The following VEGFC variants were observed in gnomAD, a reference collection of about 807,000 sequenced individuals.
VEGFC encodes the protein FLT4 ligand DHM.
In VEGFC, 12 loss-of-function variants were observed where a neutral mutation model predicts 46.1. That is an observed-to-expected ratio of 0.26 (90% CI 0.17 to 0.42). The LOEUF (loss-of-function observed/expected upper bound fraction) is 0.42, where lower values mean the gene tolerates loss of function less well. VEGFC is among the 10% of genes least tolerant of loss of function. VEGFC has a pLI of 1.00. For synonymous variants in VEGFC, 232 were observed against 195.5 expected (o/e 1.19, Z -1.56); for missense variants, 488 against 529.4 (o/e 0.92, Z 0.77).
At chr4:176,713,994 T>G (rs1734658706) in intron 3 of VEGFC, among the ~76,000 whole-genome samples, 1 of 152,074 alleles carries the variant, frequency 6.6e-6, no homozygotes, top group Admixed American at 6.5e-5. Flanking sequence ...GAAGCAGCAG[T>G]GGAGACGGGG....
intron 1 of VEGFC, among the ~76,000 whole-genome samples, chr4:176,768,248 T>C (rs1012542982): frequency 4.0e-5 from 6 of 151,844 alleles, no homozygotes; most frequent in African/African-American, 1.4e-4. Flanking sequence ...AAGATACAGA[T>C]ATGAAGATAT....
rs1006844372 is a variant in VEGFC, at chr4:176,749,437, A to T, written c.148-19691T>A. The stretch of plus-strand genomic sequence containing the variant: ...TATTTTTTATTGTTTTAAATGTCAA[A>T]TTTTGTGTATTTTTTAGCACACTAT... On this transcript the variant is annotated intron_variant, in intron 1 of 6. Transcript: ENST00000618562. Among the ~76,000 whole-genome samples, 4 of 151,812 alleles carry T rather than the reference A, an allele frequency of 2.6e-5. No individual in the cohort carries two copies. The South Asian group carries it at 6.2e-4, about 24-fold the overall frequency.
intron 3 of VEGFC, among the ~76,000 whole-genome samples, chr4:176,713,959 G>A (rs2111001558): frequency 6.6e-6 from 1 of 152,308 alleles, no homozygotes; most frequent in East Asian, 1.9e-4. Context: ...TCCAAGGGCT[G>A]TGGCAGGGCA....
intron 4 of VEGFC, among the ~76,000 whole-genome samples, chr4:176,691,483 G>C (rs903915110): frequency 2.0e-5 from 3 of 151,880 alleles, no homozygotes; most frequent in African/African-American, 7.3e-5. Context: ...CACACACACA[G>C]GCACAACCAC....
At chr4:176,739,482 T>G (rs1004272634) in intron 1 of VEGFC, among the ~76,000 whole-genome samples, 6 of 151,856 alleles carry the variant, frequency 4.0e-5, no homozygotes, top group African/African-American at 1.5e-4. Flanking sequence ...CTGAGCAAAC[T>G]AATGCAGGAG....
At chr4:176,790,680 G>A (rs74357234) in intron 1 of VEGFC, among the ~76,000 whole-genome samples, 4,578 of 152,164 alleles carry the variant, frequency 0.03, 86 homozygotes, top group Middle Eastern at 0.092. Context: ...GTAAGTGACC[G>A]TAACCAATAC....
At chr4:176,689,337 GT>G (rs1734106093) in intron 4 of VEGFC, 1 of 152,134 alleles carries the variant, frequency 6.6e-6, no homozygotes, top group Non-Finnish European at 1.5e-5. Context: ...TAATAGCCTG[GT>G]AACTCTTACA....
At chr4:176,760,850 A>G (rs908144105) in intron 1 of VEGFC, among the ~76,000 whole-genome samples, 1 of 152,332 alleles carries the variant, frequency 6.6e-6, no homozygotes, top group Admixed American at 6.5e-5. Flanking sequence ...GGGAGCTTCA[A>G]ATGGCACTGA....
At chr4:176,744,982 G>A (rs1735237776) in intron 1 of VEGFC, among the ~76,000 whole-genome samples, 1 of 151,778 alleles carries the variant, frequency 6.6e-6, no homozygotes, top group Non-Finnish European at 1.5e-5. Flanking sequence ...TTGATAACTG[G>A]GTCCCAGCCT....
chr4:176,757,877 A>G (rs1026904329), intron 1 of VEGFC, among the ~76,000 whole-genome samples: 9 of 152,032 alleles, frequency 5.9e-5, no homozygotes, highest in African/African-American at 2.2e-4. Flanking sequence ...GAAAGTATAG[A>G]TTTACCATGT....
intron 1 of VEGFC, among the ~76,000 whole-genome samples, chr4:176,743,579 GATATATAA>G (rs1261833881): frequency 1.3e-5 from 2 of 149,614 alleles, no homozygotes; most frequent in Non-Finnish European, 3.0e-5. Context: ...ATATTATACC[GATATATAA>G]ATATATAAAT....
chr4:176,744,613 T>C (rs931009121), intron 1 of VEGFC, among the ~76,000 whole-genome samples: 2 of 152,008 alleles, frequency 1.3e-5, no homozygotes, highest in South Asian at 2.1e-4. Context: ...TATAAAGTCA[T>C]TGATGAAGAA....
At chr4:176,786,232 T>C (rs190366714) in intron 1 of VEGFC, among the ~76,000 whole-genome samples, 12 of 152,306 alleles carry the variant, frequency 7.9e-5, no homozygotes, top group Admixed American at 4.6e-4. Context: ...AGAATCTTCA[T>C]TGGCTCCTGC....
intron 1 of VEGFC, among the ~76,000 whole-genome samples, chr4:176,780,490 G>C (rs6855957): frequency 0.71 from 107,603 of 151,834 alleles, 44,088 homozygotes; most frequent in East Asian, 0.99. Context: ...AGTTCATCTC[G>C]ACATCACAGA....
Position 176,768,238 on chromosome 4 carries a change from A to C in VEGFC, c.147+23927T>G, listed in dbSNP as rs528425930. Among the ~76,000 whole-genome samples the C allele has an allele frequency of 1.3e-3, 193 of 152,164 alleles. 1 individual carries two copies. The highest frequency in any genetic ancestry group is 2.4e-3 in the Non-Finnish European group (162 of 67,994). ...AAGTTAAGAAGACAGATTTGGACTA[A>C]AGATACAGATATGAAGATATCTAGA... On this transcript the variant is annotated intron_variant, in intron 1 of 6. Coordinates refer to ENST00000618562, the MANE Select transcript of VEGFC (RefSeq NM_005429.5).
intron 3 of VEGFC, among the ~76,000 whole-genome samples, chr4:176,726,033 T>A (rs1734868976): frequency 6.6e-6 from 1 of 152,146 alleles, no homozygotes; most frequent in Non-Finnish European, 1.5e-5. Flanking sequence ...GTAGTATTAA[T>A]TTATTTAGAA....
At chr4:176,717,864 A>T (rs1394402618) in intron 3 of VEGFC, among the ~76,000 whole-genome samples, 2 of 152,296 alleles carry the variant, frequency 1.3e-5, no homozygotes, top group Non-Finnish European at 2.9e-5. Context: ...ATTTTGACTT[A>T]GCATTGCAAC....
rs569772292 is a variant in VEGFC, at chr4:176,695,545, G to C, written c.705-7618C>G. On this transcript the variant is annotated intron_variant, in intron 4 of 6. Coordinates refer to ENST00000618562, the MANE Select transcript of VEGFC (RefSeq NM_005429.5). ...ACGGATTCACAGCCCAATTCTACCA[G>C]AGGTACAAGGAGGAACTGGTACCAT... Among the ~76,000 whole-genome samples, 6 of 151,274 alleles carry C rather than the reference G, an allele frequency of 4.0e-5. No homozygotes were observed. The South Asian group carries it at 1.3e-3, about 32-fold the overall frequency.
At chr4:176,692,570 A>G (rs1262349244) in intron 4 of VEGFC, among the ~76,000 whole-genome samples, 8 of 135,094 alleles carry the variant, frequency 5.9e-5, no homozygotes, top group Admixed American at 7.1e-5. Flanking sequence ...GCCATTGCCC[A>G]GGCTTGATTA....
Sources: allele counts gnomAD v4.1 joint callset (sites outside exome capture counted in the v4.1 genomes callset), GRCh38; gene constraint gnomAD v4.1.1; transcripts MANE v1.5; gene names NCBI Gene and HGNC (gene_info 2026-07-23, HGNC 2026-07-21).